The following DLG1 variants were observed in gnomAD, a reference collection of about 807,000 sequenced individuals.
DLG1 encodes the protein disks large homolog 1.
In DLG1, 42 loss-of-function variants were observed where a neutral mutation model predicts 123.4. The ratio of observed to expected loss-of-function variants is 0.34; its 90% CI spans 0.27 to 0.44. The LOEUF is 0.44. Ranked by LOEUF, DLG1 falls within the 20% of genes least tolerant of loss-of-function variation. The pLI is 1.00. For missense variants in DLG1, 942 were observed against 1,082.6 expected, an observed-to-expected ratio of 0.87 and a Z score of 1.82; for synonymous variants, 317 against 356.2, an observed-to-expected ratio of 0.89 and a Z score of 1.24.
At chr3:197,113,987 G>A (rs1286665096) in intron 13 of DLG1, among the ~76,000 whole-genome samples, 1 of 151,978 alleles carries the variant, frequency 6.6e-6, no homozygotes. Flanking sequence ...ATGCACTGAA[G>A]CCCTGTCTCT....
At chr3:197,084,353 C>T (rs569581674) in intron 16 of DLG1, among the ~76,000 whole-genome samples, 120 of 151,380 alleles carry the variant, frequency 7.9e-4, no homozygotes, top group Non-Finnish European at 1.1e-3. Context: ...GCTCTGTCGC[C>T]GAGGCTGGAG....
intron 14 of DLG1, 135 bp downstream of exon 14, chr3:197,104,768 T>C (rs762360273): frequency 4.6e-6 from 3 of 658,814 alleles, no homozygotes; most frequent in Non-Finnish European, 8.0e-6. Flanking sequence ...ACTAAACAAA[T>C]ACTGGATTAG....
intron 16 of DLG1, 22 bp downstream of exon 16, chr3:197,085,558 A>C (rs929755458): frequency 6.2e-7 from 1 of 1,612,390 alleles, no homozygotes; most frequent in African/African-American, 1.3e-5. Context: ...CCTCACATTC[A>C]AGTGGTAAGA....
chr3:197,100,976 C>T (rs370641875), intron 14 of DLG1, among the ~76,000 whole-genome samples: 5 of 152,174 alleles, frequency 3.3e-5, no homozygotes, highest in East Asian at 1.9e-4. Context: ...AGCTGTTTCT[C>T]CCTCCTTCCT....
chr3:197,292,788 A>C (rs1218286804), intron 3 of DLG1, among the ~76,000 whole-genome samples: 1 of 152,226 alleles, frequency 6.6e-6, no homozygotes, highest in East Asian at 1.9e-4. Flanking sequence ...CATTAGAATA[A>C]GCTTATTTAT....
At position 197,134,749 on chromosome 3, in the gene DLG1, A is replaced by C. The variant is rs963387591; in HGVS notation, c.1020+1793T>G. ...GAGGGCCATAACATGTCACAAACCT[A>C]TGTTTGACCTGTCATACCACTGCAA... On this transcript the variant is annotated intron_variant, in intron 10 of 24. Transcript: ENST00000667157. 3.9e-5 allele frequency among the ~76,000 whole-genome samples: 6 copies of C among 152,300 alleles called. No homozygotes were observed. In the South Asian group the frequency reaches 1.2e-3, roughly 32 times the overall value.
intron 1 of DLG1, 114 bp downstream of exon 1, chr3:197,298,422 C>T (rs1489565790): frequency 2.5e-6 from 1 of 398,734 alleles, no homozygotes. Flanking sequence ...CTTTACCTTG[C>T]CCTAGCCCAC....
intron 24 of DLG1, among the ~76,000 whole-genome samples, chr3:197,047,208 TAA>T (rs1331593894): frequency 6.6e-6 from 1 of 152,202 alleles, no homozygotes; most frequent in Non-Finnish European, 1.5e-5. Context: ...TATGATTCTA[TAA>T]GGGAATATCC....
chr3:197,072,695 CAAAA>C (rs1157870065), intron 18 of DLG1, among the ~76,000 whole-genome samples: 3 of 140,848 alleles, frequency 2.1e-5, no homozygotes, highest in African/African-American at 7.9e-5. Flanking sequence ...AAAAAAAAAA[CAAAA>C]AAACAAAAAA....
At chr3:197,216,426 A>T (rs543502483) in intron 4 of DLG1, among the ~76,000 whole-genome samples, 4 of 152,220 alleles carry the variant, frequency 2.6e-5, no homozygotes, top group Non-Finnish European at 4.4e-5. Flanking sequence ...ACAAAGCAAA[A>T]ATCAGCAAAG....
intron 4 of DLG1, among the ~76,000 whole-genome samples, chr3:197,231,459 T>C (rs557048567): frequency 6.6e-6 from 1 of 152,078 alleles, no homozygotes; most frequent in Non-Finnish European, 1.5e-5. Context: ...CCCAACACTT[T>C]GGGAGGCCGA....
chr3:197,097,065 TTA>T (rs1761001690), intron 14 of DLG1, among the ~76,000 whole-genome samples: 1 of 152,238 alleles, frequency 6.6e-6, no homozygotes, highest in African/African-American at 2.4e-5. Context: ...GAAACTTTAC[TTA>T]CCCCCATTAA....
At chr3:197,059,171 C>T (rs543358379) in intron 23 of DLG1, among the ~76,000 whole-genome samples, 13 of 152,262 alleles carry the variant, frequency 8.5e-5, no homozygotes, top group African/African-American at 2.9e-4. Context: ...GTGATCTGCC[C>T]GCCTCAGCCT....
chr3:197,046,921 A>G (rs907506124), intron 24 of DLG1, among the ~76,000 whole-genome samples: 1 of 142,918 alleles, frequency 7.0e-6, no homozygotes. Context: ...AAAACGAAAC[A>G]AAAAACAACA....
At chr3:197,214,100 A>G (rs1732735533) in intron 4 of DLG1, among the ~76,000 whole-genome samples, 1 of 152,234 alleles carries the variant, frequency 6.6e-6, no homozygotes, top group Non-Finnish European at 1.5e-5. Flanking sequence ...AATATTTTAA[A>G]TCAGTAGGGG....
Position 197,136,698 on chromosome 3 carries a change from A to G in DLG1, c.884-20T>C. On this transcript the variant is annotated intron_variant, in intron 9 of 24. Coordinates refer to ENST00000667157, the MANE Select transcript of DLG1 (RefSeq NM_001366207.1). ...CAAGACCTGTTTGGAAAACAGTTCT[A>G]GATTCTCATCCATAAATATGAACTT... 1.3e-6 allele frequency: 2 copies of G among 1,588,022 alleles called. No homozygotes were observed. The highest frequency in any genetic ancestry group is 1.7e-6 in the Non-Finnish European group (2 of 1,170,690).
chr3:197,228,443 T>C (rs539769280), intron 4 of DLG1, among the ~76,000 whole-genome samples: 23 of 152,230 alleles, frequency 1.5e-4, no homozygotes, highest in Non-Finnish European at 3.1e-4. Flanking sequence ...ACAATAAACA[T>C]GTAATATATT....
In DLG1 at chr3:197,210,011, T is replaced by C. The variant is rs141287211; in HGVS notation, c.319-15422A>G. On this transcript the variant is annotated intron_variant, in intron 4 of 24. Transcript: ENST00000667157. ...TCCTCATTTGGAAATTTTCTGGACTTTTATCTCTCCCATGGCTGATTTTAA... is the reference window on the plus strand; with the variant it reads ...TCCTCATTTGGAAATTTTCTGGACTCTTATCTCTCCCATGGCTGATTTTAA... Among the ~76,000 whole-genome samples the C allele has an allele frequency of 1.7e-3, 243 of 146,318 alleles. 6 individuals carry two copies. The highest frequency in any genetic ancestry group is 5.7e-3 in the African/African-American group (233 of 41,238).
intron 4 of DLG1, among the ~76,000 whole-genome samples, chr3:197,243,575 T>C (rs1007113323): frequency 1.3e-5 from 2 of 152,058 alleles, no homozygotes; most frequent in African/African-American, 4.8e-5. Flanking sequence ...GGTACAACAC[T>C]GGGTTCCTAT....
Sources: allele counts gnomAD v4.1 joint callset (sites outside exome capture counted in the v4.1 genomes callset), GRCh38; gene constraint gnomAD v4.1.1; transcripts MANE v1.5; gene names NCBI Gene and HGNC (gene_info 2026-07-23, HGNC 2026-07-21).